The following NAALADL2 variants were observed in gnomAD, a reference collection of about 807,000 sequenced individuals.
The protein encoded by NAALADL2 is inactive N-acetylated-alpha-linked acidic dipeptidase-like protein 2.
NAALADL2 carries 76 observed loss-of-function variants against 87.2 expected under a neutral mutation model. The ratio of observed to expected loss-of-function variants is 0.87; its 90% CI spans 0.72 to 1.05. The LOEUF is 1.05. NAALADL2 is among the 50% of genes least tolerant of loss of function. The pLI is 0.00. For missense variants in NAALADL2, 1,089 were observed against 945.8 expected (o/e 1.15, Z -1.99); for synonymous variants, 354 against 331.0 (o/e 1.07, Z -0.75).
At chr3:175,400,942 A>G (rs939858184) in intron 5 of NAALADL2, among the ~76,000 whole-genome samples, 6 of 152,156 alleles carry the variant, frequency 3.9e-5, no homozygotes, top group Non-Finnish European at 5.9e-5. Flanking sequence ...GAAGGTATGT[A>G]CAGTTTTATT....
chr3:174,465,564 G>T (rs747720164), intron 1 of NAALADL2, among the ~76,000 whole-genome samples: 7 of 152,130 alleles, frequency 4.6e-5, no homozygotes, highest in Admixed American at 2.6e-4. Flanking sequence ...CTGATTTTCT[G>T]CTGTGATAAG....
chr3:174,904,957 CT>C (rs142825007), intron 1 of NAALADL2, among the ~76,000 whole-genome samples: 2,088 of 151,748 alleles, frequency 0.014, 57 homozygotes, highest in African/African-American at 0.047. Flanking sequence ...AGCATTAAAA[CT>C]TTTTTGATCT....
At chr3:175,705,809 C>A (rs968520673) in intron 11 of NAALADL2, among the ~76,000 whole-genome samples, 1 of 152,036 alleles carries the variant, frequency 6.6e-6, no homozygotes, top group African/African-American at 2.4e-5. Flanking sequence ...TTGACCCAGA[C>A]CCAGATCATC....
chr3:175,310,419 T>A (rs1285131159), intron 4 of NAALADL2, among the ~76,000 whole-genome samples: 1 of 152,048 alleles, frequency 6.6e-6, no homozygotes, highest in Non-Finnish European at 1.5e-5. Flanking sequence ...AATAGAAGAA[T>A]GTTGATTCTT....
intron 2 of NAALADL2, among the ~76,000 whole-genome samples, chr3:175,230,574 A>G (rs1744802410): frequency 6.6e-6 from 1 of 152,056 alleles, no homozygotes; most frequent in African/African-American, 2.4e-5. Context: ...ATATAATTTT[A>G]CCCTCATTGT....
chr3:174,644,552 A>G (rs1281926041), intron 2 of NAALADL2, among the ~76,000 whole-genome samples: 1 of 151,958 alleles, frequency 6.6e-6, no homozygotes, highest in Non-Finnish European at 1.5e-5. Flanking sequence ...AAACCCATGC[A>G]GTTTAAACCC....
chr3:175,706,960 A>G (rs1261803200), intron 11 of NAALADL2, among the ~76,000 whole-genome samples: 4 of 152,124 alleles, frequency 2.6e-5, no homozygotes, highest in Admixed American at 2.6e-4. Flanking sequence ...ACATTTAACT[A>G]CTTGACTATA....
chr3:174,729,051 C>T (rs1374225438), intron 2 of NAALADL2, among the ~76,000 whole-genome samples: 1 of 151,988 alleles, frequency 6.6e-6, no homozygotes, highest in East Asian at 1.9e-4. Context: ...ATGAGAATAC[C>T]ATTTATTTCC....
intron 3 of NAALADL2, among the ~76,000 whole-genome samples, chr3:174,776,822 T>C (rs1715268921): frequency 6.6e-6 from 1 of 152,172 alleles, no homozygotes; most frequent in Non-Finnish European, 1.5e-5. Context: ...TTGCTCACCA[T>C]GCATGACAAA....
At chr3:174,966,907 C>A (rs575786086) in intron 1 of NAALADL2, among the ~76,000 whole-genome samples, 1 of 151,788 alleles carries the variant, frequency 6.6e-6, no homozygotes, top group East Asian at 1.9e-4. Flanking sequence ...GAGATTCCCC[C>A]AGAAAGGAAA....
chr3:174,508,114 G>GTTTTTTGTTTTTTGT (rs1553775287), intron 1 of NAALADL2, among the ~76,000 whole-genome samples: 4 of 103,884 alleles, frequency 3.9e-5, no homozygotes, highest in African/African-American at 1.4e-4. Flanking sequence ...ATATCTAGTG[G>GTTTTTTGTTTTTTGT]TTTTTTTTTT....
intron 1 of NAALADL2, among the ~76,000 whole-genome samples, chr3:174,469,634 G>A (rs1241772878): frequency 6.6e-6 from 1 of 151,864 alleles, no homozygotes; most frequent in Non-Finnish European, 1.5e-5. Context: ...GTTTCACCGT[G>A]TTAGCCAGGA....
chr3:174,966,069 C>G (rs1742820740), intron 1 of NAALADL2, among the ~76,000 whole-genome samples: 2 of 152,126 alleles, frequency 1.3e-5, no homozygotes, highest in African/African-American at 4.8e-5. Flanking sequence ...AAGATTATGA[C>G]TATCTTAGAC....
At chr3:174,501,762 AT>A (rs1718911002) in intron 1 of NAALADL2, among the ~76,000 whole-genome samples, 1 of 151,910 alleles carries the variant, frequency 6.6e-6, no homozygotes. Flanking sequence ...GATTTCTTAT[AT>A]TGGTAATTTA....
intron 10 of NAALADL2, among the ~76,000 whole-genome samples, chr3:175,615,475 T>A (rs1217817264): frequency 2.6e-5 from 4 of 152,200 alleles, no homozygotes; most frequent in African/African-American, 9.6e-5. Context: ...TGGTATCCAT[T>A]TTATAGATGA....
intron 3 of NAALADL2, among the ~76,000 whole-genome samples, chr3:174,762,182 C>T (rs925493993): frequency 1.7e-4 from 26 of 149,158 alleles, no homozygotes; most frequent in East Asian, 2.0e-4. Flanking sequence ...TCTTTTGAGA[C>T]GGAGTCTCGC....
At chr3:174,998,954 A>G (rs988897903) in intron 1 of NAALADL2, among the ~76,000 whole-genome samples, 1 of 152,214 alleles carries the variant, frequency 6.6e-6, no homozygotes. Context: ...TTGAACTTTT[A>G]TCAGAAAATC....
chr3:174,611,142 A>C (rs13434093), intron 2 of NAALADL2, among the ~76,000 whole-genome samples: 2,737 of 132,628 alleles, frequency 0.021, 94 homozygotes, highest in African/African-American at 0.071. Context: ...GGGAAGGGGA[A>C]CATCATACTC....
chr3:174,727,417 G>C (rs1353721192), intron 2 of NAALADL2, among the ~76,000 whole-genome samples: 1 of 151,746 alleles, frequency 6.6e-6, no homozygotes, highest in Non-Finnish European at 1.5e-5. Flanking sequence ...TCTGTCCCAA[G>C]TCTTGGAGCA....
Sources: allele counts gnomAD v4.1 joint callset (sites outside exome capture counted in the v4.1 genomes callset), GRCh38; gene constraint gnomAD v4.1.1; transcripts MANE v1.5; gene names NCBI Gene and HGNC (gene_info 2026-07-23, HGNC 2026-07-21).